RAB6C: variants seen among roughly 807,000 people sequenced by gnomAD.
The protein encoded by RAB6C is RAB6C, member RAS oncogene family.
A neutral mutation model predicts 17.2 loss-of-function variants in RAB6C; 8 were observed. The ratio of observed to expected loss-of-function variants is 0.46; its 90% confidence interval spans 0.27 to 0.84. RAB6C has a LOEUF of 0.84. RAB6C is among the 40% of genes least tolerant of loss of function. The pLI is 0.13. For missense variants in RAB6C, 151 were observed against 306.5 expected, an observed-to-expected ratio of 0.49 and a Z score of 3.79; for synonymous variants, 78 against 118.9, an observed-to-expected ratio of 0.66 and a Z score of 2.24.
Position 129,982,689 on chromosome 2 carries a change from TTG to T in RAB6C, c.*1811_*1812del, listed in dbSNP as rs1681788712. On this transcript the variant is annotated 3_prime_UTR_variant, in exon 1 of 1. Coordinates refer to ENST00000410061, the MANE Select transcript of RAB6C (RefSeq NM_032144.3). ...ATTGCTAAAGGCAAGGGTTGACTCT[TTG>T]TTTTATTTTGACATGGCATGTCCTG... 6.0e-6 allele frequency: 1 copy of T among 167,154 alleles called. No individual in the cohort carries two copies. Among genetic ancestry groups the T allele is most frequent in the African/African-American group, 2.4e-5 (1 of 41,480 alleles). 10.4% of individuals were successfully genotyped at this position (167,154 alleles called of 1,614,324 possible). A position where few individuals can be genotyped will look rare whatever the true frequency, so the allele number is the denominator to read the frequency against.
In RAB6C at chr2:129,980,032, C is replaced by T; in HGVS notation, c.-84C>T. Reference sequence around the variant, plus strand: ...AGAGAGCTCGGCGCCCGCCCTTCCGCTCGCCTTTTTCGTCAGCCGGCTGGA... The same window carrying T: ...AGAGAGCTCGGCGCCCGCCCTTCCGTTCGCCTTTTTCGTCAGCCGGCTGGA... On this transcript the variant is annotated 5_prime_UTR_variant, in exon 1 of 1. Coordinates refer to ENST00000410061, the MANE Select transcript of RAB6C (RefSeq NM_032144.3). The T allele has an allele frequency of 6.2e-7, 1 of 1,605,228 alleles. No individual in the cohort carries two copies. The highest frequency in any genetic ancestry group is 8.5e-7 in the Non-Finnish European group (1 of 1,175,674).
chr2:129,981,969 A>G lies in RAB6C; in HGVS notation c.*1089A>G, dbSNP rs141261108. 0.02 allele frequency: 3,376 copies of G among 167,144 alleles called. 125 individuals carry two copies. The highest frequency in any genetic ancestry group is 0.13 in the East Asian group (660 of 5,182). The allele number at this position is 167,144 out of a possible 1,614,324, so 10.4% of individuals were successfully genotyped here. ...ATACATAGTAGAGGGAAAGGAGAGAATGGAAATAAAACTGAATATTATGCA... is the reference window on the plus strand; with the variant it reads ...ATACATAGTAGAGGGAAAGGAGAGAGTGGAAATAAAACTGAATATTATGCA... On this transcript the variant is annotated 3_prime_UTR_variant, in exon 1 of 1. Transcript: ENST00000410061.
chr2:129,981,138 C>G lies in RAB6C; in HGVS notation c.*258C>G, dbSNP rs1409803748. ...TGCTCTTCTCACCTCTCCCTTACCC[C>G]GTTCCCTATTTCCGTGTTCTTACCT... On this transcript the variant is annotated 3_prime_UTR_variant, in exon 1 of 1. Transcript: ENST00000410061. 1 of 256,184 alleles carries G rather than the reference C, an allele frequency of 3.9e-6. No individual in the cohort carries two copies. The highest frequency in any genetic ancestry group is 8.1e-6 in the Non-Finnish European group (1 of 124,174). 15.9% of individuals were successfully genotyped at this position (256,184 alleles called of 1,614,324 possible).
Position 129,979,950 on chromosome 2 carries a change from C to A in RAB6C, c.-166C>A. ...GGCTGCCAGTCTGTGGCGAGCCCTGCTGCCCTCCAGCCGGGCTCCTCCAGC... is the reference window on the plus strand; with the variant it reads ...GGCTGCCAGTCTGTGGCGAGCCCTGATGCCCTCCAGCCGGGCTCCTCCAGC... On this transcript the variant is annotated 5_prime_UTR_variant, in exon 1 of 1. The change creates a new upstream start codon in the 5' untranslated region. Transcript: ENST00000410061. 7.8e-7 allele frequency: 1 copy of A among 1,274,332 alleles called. No homozygotes were observed. The highest frequency in any genetic ancestry group is 1.1e-6 in the Non-Finnish European group (1 of 938,106). The allele number at this position is 1,274,332 out of a possible 1,614,324, so 78.9% of individuals were successfully genotyped here.
In RAB6C at chr2:129,982,216, T is replaced by C. The variant is rs1285300013; in HGVS notation, c.*1336T>C. The C allele has an allele frequency of 6.0e-6, 1 of 167,034 alleles. No homozygotes were observed. The highest frequency in any genetic ancestry group is 2.4e-5 in the African/African-American group (1 of 41,450). 10.3% of individuals were successfully genotyped at this position (167,034 alleles called of 1,614,324 possible). A position where few individuals can be genotyped will look rare whatever the true frequency, so the allele number is the denominator to read the frequency against. ...TAGAGCTTCACCATGGCAATATGTA[T>C]TTCCCTTAAAACACTGCAAACAAAT... On this transcript the variant is annotated 3_prime_UTR_variant, in exon 1 of 1. Coordinates refer to ENST00000410061, the MANE Select transcript of RAB6C (RefSeq NM_032144.3).
rs1373172411 is a variant in RAB6C, at chr2:129,980,473, A to G, written c.358A>G (p.Ile120Val). Reference sequence around the variant, plus strand: ...CAGAACAGAAAGAGGAAGTGATGTTATCATCACGCTAGTAGGAAATAGAAC... The same window carrying G: ...CAGAACAGAAAGAGGAAGTGATGTTGTCATCACGCTAGTAGGAAATAGAAC... ...DVRTERGSDV[I>V]ITLVGNRTDL... Residue 120 changes from isoleucine (I) to valine (V), a missense_variant, in exon 1 of 1, where the codon ATC becomes GTC. Physicochemically the swap from Ile to Val is conservative, Grantham distance 29 (BLOSUM62 3). This residue lies in a region of RAB6C where 136 missense variants were observed against 200.0 expected (regional missense o/e 0.68). Coordinates refer to ENST00000410061, the MANE Select transcript of RAB6C (RefSeq NM_032144.3). The G allele has an allele frequency of 6.2e-7, 1 of 1,614,112 alleles. No homozygotes were observed.
rs1558847773 is a variant in RAB6C, at chr2:129,982,514, T to C, written c.*1634T>C. On this transcript the variant is annotated 3_prime_UTR_variant, in exon 1 of 1. Coordinates refer to ENST00000410061, the MANE Select transcript of RAB6C (RefSeq NM_032144.3). ...CTCTCTTTCCTCTTCCTCCTCCACTTCCCACTTATTGTCACTTTGTAATAT... is the reference window on the plus strand; with the variant it reads ...CTCTCTTTCCTCTTCCTCCTCCACTCCCCACTTATTGTCACTTTGTAATAT... The C allele has an allele frequency of 1.2e-5, 2 of 167,090 alleles. No individual in the cohort carries two copies. The highest frequency in any genetic ancestry group is 2.9e-5 in the Non-Finnish European group (2 of 68,114). The allele number at this position is 167,090 out of a possible 1,614,324, so 10.4% of individuals were successfully genotyped here. A position where few individuals can be genotyped will look rare whatever the true frequency, so the allele number is the denominator to read the frequency against.
In RAB6C at chr2:129,980,809, A is replaced by G. The variant is rs2104958365; in HGVS notation, c.694A>G (p.Ile232Val). The change falls in exon 1 of 1, where the codon ATT (isoleucine) becomes GTT (valine). Residue 232 changes from isoleucine to valine, a missense_variant. This residue lies in a region of RAB6C where 136 missense variants were observed against 200.0 expected (regional missense o/e 0.68). Transcript: ENST00000410061. ...PYSFIDCSVNIGLNLFPSLIT... is the reference protein window; with the variant it reads ...PYSFIDCSVNVGLNLFPSLIT... ...CTCTTTCATTGACTGCAGTGTGAAT[A>G]TTGGCTTGAACCTTTTCCCTTCATT... The G allele has an allele frequency of 1.3e-6, 2 of 1,577,142 alleles. No individual in the cohort carries two copies. The highest frequency in any genetic ancestry group is 1.2e-5 in the South Asian group (1 of 83,302).
In RAB6C at chr2:129,980,432, A is replaced by G. The variant is rs1558846780; in HGVS notation, c.317A>G (p.Lys106Arg). 1.2e-6 allele frequency: 2 copies of G among 1,613,898 alleles called. No homozygotes were observed. Among genetic ancestry groups the G allele is most frequent in the Non-Finnish European group, 1.7e-6 (2 of 1,180,034 alleles). ...TNVNSFQQTT[K>R]WIDDVRTERG... ...GTTAACTCATTCCAGCAAACTACAA[A>G]GTGGATTGATGATGTCAGAACAGAA... Residue 106 changes from lysine (K) to arginine (R), a missense_variant, in exon 1 of 1, where the codon AAG (lysine) becomes AGG (arginine). Transcript: ENST00000410061.
At position 129,981,147 on chromosome 2, in the gene RAB6C, T is replaced by G. The variant is rs1480077012; in HGVS notation, c.*267T>G. 1 of 227,254 alleles carries G rather than the reference T, an allele frequency of 4.4e-6. No individual in the cohort carries two copies. Among genetic ancestry groups the G allele is most frequent in the Non-Finnish European group, 9.5e-6 (1 of 105,586 alleles). 14.1% of individuals were successfully genotyped at this position (227,254 alleles called of 1,614,324 possible). A position where few individuals can be genotyped will look rare whatever the true frequency, so the allele number is the denominator to read the frequency against. Reference sequence around the variant, plus strand: ...CACCTCTCCCTTACCCCGTTCCCTATTTCCGTGTTCTTACCTAGCCTCCCC... The same window carrying G: ...CACCTCTCCCTTACCCCGTTCCCTAGTTCCGTGTTCTTACCTAGCCTCCCC... On this transcript the variant is annotated 3_prime_UTR_variant, in exon 1 of 1. Transcript: ENST00000410061.
Position 129,980,938 on chromosome 2 carries a change from A to G in RAB6C, c.*58A>G. On this transcript the variant is annotated 3_prime_UTR_variant, in exon 1 of 1. Coordinates refer to ENST00000410061, the MANE Select transcript of RAB6C (RefSeq NM_032144.3). ...CGTCTTCATTATTTATATTTTACAAAAAGCCAAATTATTTCAGCATATTCC... is the reference window on the plus strand; with the variant it reads ...CGTCTTCATTATTTATATTTTACAAGAAGCCAAATTATTTCAGCATATTCC... 6.5e-7 allele frequency: 1 copy of G among 1,542,474 alleles called. No homozygotes were observed.
At position 129,980,567 on chromosome 2, in the gene RAB6C, C is replaced by T. The variant is rs772303642; in HGVS notation, c.452C>T (p.Thr151Met). The change falls in exon 1 of 1, where the codon ACG becomes ATG. Residue 151 changes from threonine to methionine, a missense_variant. Thr to Met is a moderately conservative substitution (Grantham distance 81). This residue lies in a region of RAB6C where 136 missense variants were observed against 200.0 expected (regional missense o/e 0.68). Transcript: ENST00000410061. ...AGGAAAGCCAAAGGGCTGAATGTTACGTTTATTGAAACTAGGGCAAAAGCT... is the reference window on the plus strand; with the variant it reads ...AGGAAAGCCAAAGGGCTGAATGTTATGTTTATTGAAACTAGGGCAAAAGCT... ...GERKAKGLNV[T>M]FIETRAKAGY... 44 of 1,614,006 alleles carry T rather than the reference C, an allele frequency of 2.7e-5. No homozygotes were observed. Among genetic ancestry groups the T allele is most frequent in the Non-Finnish European group, 3.7e-5 (44 of 1,180,010 alleles).
rs3182757 is a variant in RAB6C, at chr2:129,980,385, A to G, written c.270A>G (p.Val90=). The G allele has an allele frequency of 6.2e-7, 1 of 1,612,776 alleles. No individual in the cohort carries two copies. Among genetic ancestry groups the G allele is most frequent in the Non-Finnish European group, 8.5e-7 (1 of 1,179,738 alleles). The part of the protein sequence containing the change: ...PRYIRDSAAA[V]VVYDITNVNS... ...ACATCCGTGATTCTGCTGCAGCTGT[A>G]GTAGTTTACGATATCACAAATGTTA... The change falls in exon 1 of 1, where the codon GTA becomes GTG. Residue 90 remains valine (V), a synonymous_variant. Coordinates refer to ENST00000410061, the MANE Select transcript of RAB6C (RefSeq NM_032144.3).
Position 129,979,924 on chromosome 2 carries a change from C to A in RAB6C, c.-192C>A. On this transcript the variant is annotated 5_prime_UTR_variant, in exon 1 of 1. Transcript: ENST00000410061. ...CGGCTACTCTGCCGGGAGGCGGCGGCGGCTGCCAGTCTGTGGCGAGCCCTG... is the reference window on the plus strand; with the variant it reads ...CGGCTACTCTGCCGGGAGGCGGCGGAGGCTGCCAGTCTGTGGCGAGCCCTG... The A allele has an allele frequency of 9.8e-7, 1 of 1,024,534 alleles. No individual in the cohort carries two copies. The highest frequency in any genetic ancestry group is 1.6e-5 in the African/African-American group (1 of 61,408). The allele number at this position is 1,024,534 out of a possible 1,614,324, so 63.5% of individuals were successfully genotyped here.
At position 129,980,925 on chromosome 2, in the gene RAB6C, T is replaced by G; in HGVS notation, c.*45T>G. ...CAAAAAAAGTCAGCGTCTTCATTAT[T>G]TATATTTTACAAAAAGCCAAATTAT... On this transcript the variant is annotated 3_prime_UTR_variant, in exon 1 of 1. Transcript: ENST00000410061. 3 of 1,551,444 alleles carry G rather than the reference T, an allele frequency of 1.9e-6. No homozygotes were observed. Among genetic ancestry groups the G allele is most frequent in the Non-Finnish European group, 2.6e-6 (3 of 1,152,432 alleles).
Position 129,980,647 on chromosome 2 carries a change from G to A in RAB6C, c.532G>A (p.Glu178Lys), listed in dbSNP as rs201440216. Residue 178 changes from glutamate (E) to lysine (K), a missense_variant, in exon 1 of 1, where the codon GAA (glutamate) becomes AAA (lysine). Glu to Lys is a moderately conservative substitution (Grantham distance 56, BLOSUM62 1). Around this residue, in one of 2 missense-constraint regions of RAB6C, gnomAD observed 136 missense variants for 200.0 expected, o/e 0.68. Transcript: ENST00000410061. The part of the protein sequence containing the change: ...RRVAAALPGM[E>K]STQDGSREDM... ...TGTAGCAGCAGCTTTGCCGGGAATG[G>A]AAAGCACACAGGACGGAAGCAGAGA... 2 of 1,612,240 alleles carry A rather than the reference G, an allele frequency of 1.2e-6. No homozygotes were observed. The highest frequency in any genetic ancestry group is 2.7e-5 in the African/African-American group (2 of 74,396).
Position 129,979,886 on chromosome 2 carries a change from C to T in RAB6C, c.-230C>T, listed in dbSNP as rs552962980. The T allele has an allele frequency of 7.0e-5, 52 of 738,196 alleles. 1 individual carries two copies. In the South Asian group the frequency reaches 8.9e-4, roughly 13 times the overall value. The allele number at this position is 738,196 out of a possible 1,614,324, so 45.7% of individuals were successfully genotyped here. On this transcript the variant is annotated 5_prime_UTR_variant, in exon 1 of 1. Transcript: ENST00000410061. ...CCTCCTTCCCTTCCCAGCCGCGGGC[C>T]TCGCTCCGTGCTCGGCTACTCTGCC...
rs1367014483 is a variant in RAB6C at position 129,981,658 on chromosome 2, T to A, written c.*778T>A. The A allele has an allele frequency of 6.0e-6, 1 of 167,112 alleles. No homozygotes were observed. Among genetic ancestry groups the A allele is most frequent in the Admixed American group, 6.5e-5 (1 of 15,290 alleles). The allele number at this position is 167,112 out of a possible 1,614,324, so 10.4% of individuals were successfully genotyped here. A position where few individuals can be genotyped will look rare whatever the true frequency, so the allele number is the denominator to read the frequency against. ...GTAAGAAACCTCTGTAAGCAATAGATTTTGCTTGGGTTTTCTTTCTTAAAA... is the reference window on the plus strand; with the variant it reads ...GTAAGAAACCTCTGTAAGCAATAGAATTTGCTTGGGTTTTCTTTCTTAAAA... On this transcript the variant is annotated 3_prime_UTR_variant, in exon 1 of 1. Coordinates refer to ENST00000410061, the MANE Select transcript of RAB6C (RefSeq NM_032144.3).
chr2:129,980,791 A>T lies in RAB6C; in HGVS notation c.676A>T (p.Ile226Phe), dbSNP rs768885179. The change falls in exon 1 of 1, where the codon ATT becomes TTT. Residue 226 changes from isoleucine to phenylalanine, a missense_variant. Ile to Phe is a conservative substitution (Grantham distance 21, BLOSUM62 0). Transcript: ENST00000410061. ...TLPQKPPYSF[I>F]DCSVNIGLNL... is the part of the protein sequence containing the mutation. The stretch of plus-strand genomic sequence containing the variant: ...TCCTCAGAAGCCCCCTTACTCTTTC[A>T]TTGACTGCAGTGTGAATATTGGCTT... 2 of 1,599,612 alleles carry T rather than the reference A, an allele frequency of 1.3e-6. No individual in the cohort carries two copies. Among genetic ancestry groups the T allele is most frequent in the South Asian group, 2.2e-5 (2 of 89,066 alleles).
Sources: allele counts gnomAD v4.1 joint callset, GRCh38; gene constraint gnomAD v4.1.1; regional missense constraint gnomAD v4.1.1; transcripts MANE v1.5; gene names NCBI Gene and HGNC (gene_info 2026-07-23, HGNC 2026-07-21).